CFAP44: variants seen among roughly 807,000 people sequenced by gnomAD.
CFAP44 encodes the protein cilia and flagella associated protein 44.
Under a neutral mutation model 216.2 loss-of-function variants are expected in CFAP44, and 134 were observed. The ratio of observed to expected loss-of-function variants is 0.62; its 90% CI spans 0.54 to 0.72. The LOEUF (loss-of-function observed/expected upper bound fraction) is 0.72, where lower values mean the gene tolerates loss of function less well. CFAP44 is among the 30% of genes least tolerant of loss of function. The pLI, the probability that CFAP44 is intolerant of heterozygous loss-of-function variation, is 0.00. For missense variants in CFAP44, 2,035 were observed against 2,182.1 expected, an observed-to-expected ratio of 0.93 and a Z score of 1.34; for synonymous variants, 700 against 727.6, an observed-to-expected ratio of 0.96 and a Z score of 0.61.
At chr3:113,358,947 C>T in intron 21 of CFAP44, 72 bp from the exon 22 acceptor site, 15 of 1,469,352 alleles carry the variant, frequency 1.0e-5, no homozygotes, top group Non-Finnish European at 1.3e-5. Flanking sequence ...CAGTTTTGTC[C>T]CCAGTTTCAT....
chr3:113,374,920 G>GC (rs1933292400), intron 17 of CFAP44, among the ~76,000 whole-genome samples: 1 of 152,190 alleles, frequency 6.6e-6, no homozygotes, highest in African/African-American at 2.4e-5. Context: ...ACAGGCGTGA[G>GC]CCACCGTGCC....
intron 28 of CFAP44, among the ~76,000 whole-genome samples, chr3:113,316,406 G>A (rs914798617): frequency 2.0e-5 from 3 of 151,938 alleles, no homozygotes; most frequent in Admixed American, 2.0e-4. Context: ...TAAACCAAAA[G>A]CAAGCAGGAA....
At chr3:113,334,116 T>C (rs558010553) in intron 24 of CFAP44, among the ~76,000 whole-genome samples, 14 of 152,226 alleles carry the variant, frequency 9.2e-5, no homozygotes, top group Admixed American at 7.2e-4. Flanking sequence ...CACACCCAGC[T>C]AATTTTTGTA....
At position 113,399,897 on chromosome 3, in the gene CFAP44, C is replaced by A. The variant is rs750934710; in HGVS notation, c.1569+9G>T. On this transcript the variant is annotated intron_variant, in intron 13 of 34. Coordinates refer to ENST00000393845, the MANE Select transcript of CFAP44 (RefSeq NM_001164496.2). ...AGATTCTGGTAGTTCATTATAACAACAAACTTACCATTCGGGGTACCCAAA... is the reference window on the plus strand; with the variant it reads ...AGATTCTGGTAGTTCATTATAACAAAAAACTTACCATTCGGGGTACCCAAA... The A allele has an allele frequency of 3.3e-5, 51 of 1,561,098 alleles. No individual in the cohort carries two copies. The South Asian group carries it at 6.1e-4, about 19-fold the overall frequency.
intron 2 of CFAP44, among the ~76,000 whole-genome samples, chr3:113,428,503 C>T (rs73239117): frequency 0.21 from 31,848 of 152,130 alleles, 3,937 homozygotes; most frequent in East Asian, 0.48. Context: ...TTTGTGAAGG[C>T]TGGATATTTC....
chr3:113,290,853 C>T lies in CFAP44; in HGVS notation c.*704G>A, dbSNP rs1486905046. ...GTTGCAGAAATCTTTAAAGAAAAGCCTCTTTATTGACTGTTTTATTAAGCA... is the reference window on the plus strand; with the variant it reads ...GTTGCAGAAATCTTTAAAGAAAAGCTTCTTTATTGACTGTTTTATTAAGCA... On this transcript the variant is annotated 3_prime_UTR_variant, in exon 35 of 35. Coordinates refer to ENST00000393845, the MANE Select transcript of CFAP44 (RefSeq NM_001164496.2). The T allele has an allele frequency of 6.6e-6, 1 of 152,108 alleles. No homozygotes were observed. Among genetic ancestry groups the T allele is most frequent in the Non-Finnish European group, 1.5e-5 (1 of 68,018 alleles). The allele number at this position is 152,108 out of a possible 1,614,324, so 9.4% of individuals were successfully genotyped here. A position where few individuals can be genotyped will look rare whatever the true frequency, so the allele number is the denominator to read the frequency against.
intron 28 of CFAP44, among the ~76,000 whole-genome samples, chr3:113,311,141 A>G (rs1034187148): frequency 2.0e-5 from 3 of 152,280 alleles, no homozygotes; most frequent in Admixed American, 6.5e-5. Context: ...AGCCATGATA[A>G]AAATGCTTCC....
rs775922844 is a variant in CFAP44, at chr3:113,407,005, C to T, written c.927G>A (p.Lys309=). 1 of 1,614,008 alleles carries T rather than the reference C, an allele frequency of 6.2e-7. No homozygotes were observed. The highest frequency in any genetic ancestry group is 8.5e-7 in the Non-Finnish European group (1 of 1,180,034). ...CAAATCGACCTAGTGATCCCTGCAGCTTGAGACCGGTGAACGTAAAAGCCA... is the reference window on the plus strand; with the variant it reads ...CAAATCGACCTAGTGATCCCTGCAGTTTGAGACCGGTGAACGTAAAAGCCA... The part of the protein sequence containing the change: ...WEMAFTFTGL[K]LQGSLGRFGK... Residue 309 remains lysine (K), a synonymous_variant, in exon 8 of 35, where the codon AAG becomes AAA. Transcript: ENST00000393845.
chr3:113,350,864 T>C (rs1950438166), intron 22 of CFAP44, among the ~76,000 whole-genome samples: 1 of 152,172 alleles, frequency 6.6e-6, no homozygotes, highest in African/African-American at 2.4e-5. Context: ...GCTGGTTCTG[T>C]TGGAAAAAGA....
intron 34 of CFAP44, chr3:113,293,929 TG>T (rs1247063735): frequency 8.8e-6 from 4 of 453,466 alleles, no homozygotes; most frequent in Admixed American, 7.1e-5. Context: ...GCAGTACAAC[TG>T]GGTTGGGGCC....
intron 15 of CFAP44, 80 bp downstream of exon 15, chr3:113,395,666 TCCAC>T (rs1388729321): frequency 4.0e-6 from 5 of 1,243,464 alleles, no homozygotes; most frequent in Non-Finnish European, 4.5e-6. Flanking sequence ...GGCTAAAAAT[TCCAC>T]CTGCTATTTT....
At chr3:113,345,922 C>T (rs970496723) in intron 22 of CFAP44, among the ~76,000 whole-genome samples, 2 of 152,132 alleles carry the variant, frequency 1.3e-5, no homozygotes, top group Middle Eastern at 3.2e-3. Context: ...TTCTTTCATA[C>T]ATACTATCTT....
intron 28 of CFAP44, among the ~76,000 whole-genome samples, chr3:113,311,459 T>C (rs1452579171): frequency 6.6e-6 from 1 of 152,216 alleles, no homozygotes; most frequent in African/African-American, 2.4e-5. Flanking sequence ...TGCTTTTGCA[T>C]CTTTCTCATT....
chr3:113,291,811 T>C (rs1380293316), intron 34 of CFAP44, 63 bp from the exon 35 acceptor site: 1 of 1,502,518 alleles, frequency 6.7e-7, no homozygotes, highest in Non-Finnish European at 8.9e-7. Context: ...TCCATGCCCT[T>C]ATACTGTGTA....
intron 21 of CFAP44, chr3:113,360,340 C>A: frequency 4.6e-6 from 1 of 218,912 alleles, no homozygotes; most frequent in South Asian, 8.4e-5. Flanking sequence ...TCCTATGGCT[C>A]AAAGAAAGAT....
intron 18 of CFAP44, among the ~76,000 whole-genome samples, chr3:113,367,456 T>A (rs2107319146): frequency 6.6e-6 from 1 of 152,290 alleles, no homozygotes; most frequent in African/African-American, 2.4e-5. Flanking sequence ...GGAGTGGACC[T>A]CCAGCAAACT....
At chr3:113,385,742 C>A (rs1156815117) in intron 15 of CFAP44, among the ~76,000 whole-genome samples, 1 of 151,800 alleles carries the variant, frequency 6.6e-6, no homozygotes, top group African/African-American at 2.4e-5. Flanking sequence ...CGGGTTCAAG[C>A]GATTCTCCCA....
In CFAP44 at chr3:113,409,292, T is replaced by G. The variant is rs1299536512; in HGVS notation, c.704A>C (p.Asp235Ala). The G allele has an allele frequency of 3.7e-6, 6 of 1,614,104 alleles. No homozygotes were observed. Among genetic ancestry groups the G allele is most frequent in the Non-Finnish European group, 5.1e-6 (6 of 1,180,026 alleles). Residue 235 changes from aspartate to alanine, a missense_variant, in exon 7 of 35, where the codon GAC (aspartate) becomes GCC (alanine). Transcript: ENST00000393845. ...CAGCAAGTTACCGCTGTAGTTAAAG[T>G]CCACATAAGCATATCCCTTCTCAGT... is the stretch of plus-strand genomic sequence containing the variant. The part of the protein sequence containing the change: ...DGTEKGYAYV[D>A]FNYSGNLLAS...
chr3:113,305,210 G>C, intron 30 of CFAP44, 58 bp from the exon 31 acceptor site: 1 of 1,413,162 alleles, frequency 7.1e-7, no homozygotes, highest in Non-Finnish European at 9.7e-7. Context: ...TACATCTAAA[G>C]ATGGTGAATG....
Sources: gnomAD v4.1 joint callset for allele counts (sites outside exome capture counted in the v4.1 genomes callset) on GRCh38, gnomAD v4.1.1 for gene constraint, MANE v1.5 for transcripts, NCBI Gene and HGNC (gene_info 2026-07-23, HGNC 2026-07-21) for gene names.